BMAL2: variants seen among roughly 807,000 people sequenced by gnomAD.
The protein encoded by BMAL2 is basic helix-loop-helix ARNT like 2.
At chr12:27,358,447 A>G in the BMAL2 span, among the ~76,000 whole-genome samples, 1 of 152,184 alleles carries the variant, frequency 6.6e-6, no homozygotes, top group African/African-American at 2.4e-5. Context: ...GCTGGTGGGA[A>G]TGTAAACTAG....
chr12:27,375,115 G>C, the BMAL2 span, among the ~76,000 whole-genome samples: 1 of 152,114 alleles, frequency 6.6e-6, no homozygotes, highest in South Asian at 2.1e-4. Context: ...AAGTAGGCCA[G>C]CCTTTCTTCA....
the BMAL2 span, among the ~76,000 whole-genome samples, chr12:27,351,573 C>T: frequency 6.6e-6 from 1 of 152,202 alleles, no homozygotes; most frequent in Non-Finnish European, 1.5e-5. Context: ...TACTATCCAC[C>T]TAACCTAATC....
the BMAL2 span, among the ~76,000 whole-genome samples, chr12:27,342,843 A>G: frequency 6.6e-6 from 1 of 152,258 alleles, no homozygotes; most frequent in Non-Finnish European, 1.5e-5. Context: ...TCATGGTGCT[A>G]GTGGCTTCTT....
chr12:27,389,324 A>G, the BMAL2 span: 2 of 1,433,008 alleles, frequency 1.4e-6, no homozygotes, highest in Non-Finnish European at 2.0e-6. Flanking sequence ...CATGCTTATT[A>G]TTTTATGTAA....
chr12:27,372,541 A>G, the BMAL2 span, among the ~76,000 whole-genome samples: 1 of 152,214 alleles, frequency 6.6e-6, no homozygotes, highest in African/African-American at 2.4e-5. Flanking sequence ...TTGCTGGGTT[A>G]TATGAGAATT....
the BMAL2 span, among the ~76,000 whole-genome samples, chr12:27,382,976 G>T: frequency 6.6e-6 from 1 of 152,292 alleles, no homozygotes; most frequent in South Asian, 2.1e-4. Context: ...CTTAAATTCT[G>T]CACTTGATCT....
chr12:27,386,905 T>C, the BMAL2 span, among the ~76,000 whole-genome samples: 1 of 152,208 alleles, frequency 6.6e-6, no homozygotes, highest in South Asian at 2.1e-4. Context: ...TGCTGGGATA[T>C]AGGCTCATTT....
the BMAL2 span, chr12:27,380,212 T>C: frequency 6.2e-7 from 1 of 1,606,400 alleles, no homozygotes; most frequent in Non-Finnish European, 8.5e-7. Flanking sequence ...GTCTGCTGAA[T>C]GTTAAATATA....
At chr12:27,395,404 G>A in the BMAL2 span, among the ~76,000 whole-genome samples, 1 of 152,104 alleles carries the variant, frequency 6.6e-6, no homozygotes, top group African/African-American at 2.4e-5. Flanking sequence ...AATCTTGGAC[G>A]TCTAATAATC....
At chr12:27,413,021 A>C in the BMAL2 span, among the ~76,000 whole-genome samples, 29 of 152,034 alleles carry the variant, frequency 1.9e-4, no homozygotes, top group African/African-American at 6.5e-4. Flanking sequence ...AAAGCCAAAC[A>C]AGAATACTAC....
the BMAL2 span, among the ~76,000 whole-genome samples, chr12:27,406,843 G>A: frequency 1.3e-5 from 2 of 152,116 alleles, no homozygotes; most frequent in South Asian, 4.1e-4. Context: ...GTATTCAGGA[G>A]ACCCATCTCA....
At chr12:27,343,729 G>C in the BMAL2 span, among the ~76,000 whole-genome samples, 1 of 152,288 alleles carries the variant, frequency 6.6e-6, no homozygotes, top group East Asian at 1.9e-4. Flanking sequence ...CTGAAATTCT[G>C]ATGAACTGTG....
At chr12:27,407,506 T>C in the BMAL2 span, among the ~76,000 whole-genome samples, 3 of 151,954 alleles carry the variant, frequency 2.0e-5, no homozygotes, top group South Asian at 4.2e-4. Flanking sequence ...GGGTACATAA[T>C]GAAATGAAGG....
chr12:27,358,207 TAATC>T, the BMAL2 span, among the ~76,000 whole-genome samples: 3 of 151,230 alleles, frequency 2.0e-5, no homozygotes, highest in Non-Finnish European at 3.0e-5. Flanking sequence ...TTAGTAATAA[TAATC>T]CCATCAAAAA....
chr12:27,420,436 T>C, the BMAL2 span: 1 of 1,613,942 alleles, frequency 6.2e-7, no homozygotes, highest in East Asian at 2.2e-5. Context: ...TATGTGACAA[T>C]GATGACACAG....
chr12:27,363,273 G>A, the BMAL2 span, among the ~76,000 whole-genome samples: 13 of 152,278 alleles, frequency 8.5e-5, 1 homozygote, highest in Admixed American at 7.2e-4. Flanking sequence ...TCAATTACAA[G>A]CAATGTTGCT....
chr12:27,340,188 C>G, the BMAL2 span, among the ~76,000 whole-genome samples: 1 of 152,128 alleles, frequency 6.6e-6, no homozygotes, highest in African/African-American at 2.4e-5. Flanking sequence ...TTCCTATGTC[C>G]AGAATGGTAT....
the BMAL2 span, among the ~76,000 whole-genome samples, chr12:27,333,847 C>T: frequency 1.3e-5 from 2 of 152,350 alleles, no homozygotes; most frequent in Non-Finnish European, 2.9e-5. Flanking sequence ...TTTTCCTTCT[C>T]GCTAGTATTC....
the BMAL2 span, among the ~76,000 whole-genome samples, chr12:27,376,782 C>T: frequency 1.7e-4 from 26 of 151,828 alleles, no homozygotes; most frequent in Admixed American, 3.3e-4. Flanking sequence ...AGGTGGATCA[C>T]GAGTTCAGGA....
Sources: gnomAD v4.1 joint callset for allele counts (sites outside exome capture counted in the v4.1 genomes callset) on GRCh38, gnomAD v4.1.1 for gene constraint, MANE v1.5 for transcripts, NCBI Gene and HGNC (gene_info 2026-07-23, HGNC 2026-07-21) for gene names.